The following MRPS31 variants were observed in gnomAD, a reference collection of about 807,000 sequenced individuals.
The protein encoded by MRPS31 is mitochondrial ribosomal protein S31, also known as small ribosomal subunit protein mS31.
MRPS31 carries 32 observed loss-of-function variants against 43.1 expected under a neutral mutation model. The ratio of observed to expected loss-of-function variants is 0.74; its 90% CI spans 0.56 to 1.00. The LOEUF (loss-of-function observed/expected upper bound fraction) is 1.00, where lower values mean the gene tolerates loss of function less well. MRPS31 is among the 50% of genes least tolerant of loss of function. The probability of loss-of-function intolerance (pLI) is 0.00; values close to 1 mark genes in which losing one functional copy is unlikely to be tolerated. For missense variants in MRPS31, 437 were observed against 466.7 expected (o/e 0.94, Z 0.59); for synonymous variants, 165 against 161.6 (o/e 1.02, Z -0.16).
intron 6 of MRPS31, among the ~76,000 whole-genome samples, chr13:40,733,300 A>T (rs1346929425): frequency 1.3e-5 from 2 of 152,124 alleles, no homozygotes; most frequent in Non-Finnish European, 1.5e-5. Context: ...CACCGCGCCC[A>T]GCCCAATGAA....
intron 5 of MRPS31, among the ~76,000 whole-genome samples, chr13:40,750,544 A>G (rs1367396143): frequency 6.6e-6 from 1 of 152,016 alleles, no homozygotes; most frequent in African/African-American, 2.4e-5. Flanking sequence ...ACAACTTAAT[A>G]AAGTTGTAAA....
intron 6 of MRPS31, among the ~76,000 whole-genome samples, chr13:40,740,535 C>T (rs1880053589): frequency 7.2e-6 from 1 of 138,428 alleles, no homozygotes; most frequent in East Asian, 2.3e-4. Flanking sequence ...TGGAACCAAC[C>T]CAAATGTCCA....
intron 2 of MRPS31, among the ~76,000 whole-genome samples, chr13:40,766,324 G>A (rs933071506): frequency 2.6e-5 from 4 of 152,024 alleles, no homozygotes; most frequent in East Asian, 1.9e-4. Context: ...ACAGAGTCTC[G>A]CTTGATCCCC....
At chr13:40,745,478 G>A (rs1234747529) in intron 6 of MRPS31, among the ~76,000 whole-genome samples, 3 of 151,978 alleles carry the variant, frequency 2.0e-5, no homozygotes, top group Non-Finnish European at 4.4e-5. Context: ...TCTTGAACTC[G>A]TGACCTCAGG....
chr13:40,740,677 A>C (rs1481820619), intron 6 of MRPS31, among the ~76,000 whole-genome samples: 226 of 123,782 alleles, frequency 1.8e-3, no homozygotes, highest in African/African-American at 6.5e-3. Context: ...TCAGTAAACT[A>C]TCGCAAGAAC....
intron 2 of MRPS31, among the ~76,000 whole-genome samples, chr13:40,765,274 A>G (rs1396010473): frequency 1.3e-5 from 2 of 152,204 alleles, no homozygotes; most frequent in Admixed American, 6.5e-5. Context: ...GTGGAGCAAG[A>G]ATGTAAGAAA....
At chr13:40,753,954 A>G in intron 5 of MRPS31, 65 bp downstream of exon 5, 1 of 1,022,692 alleles carries the variant, frequency 9.8e-7, no homozygotes, top group Non-Finnish European at 1.5e-6. Context: ...CTATTAGAAC[A>G]CTAAGGACAT....
intron 2 of MRPS31, among the ~76,000 whole-genome samples, chr13:40,766,225 T>C (rs1880840368): frequency 6.6e-6 from 1 of 152,230 alleles, no homozygotes; most frequent in African/African-American, 2.4e-5. Flanking sequence ...TTTCTCTGGA[T>C]TGTGTACAGA....
intron 6 of MRPS31, among the ~76,000 whole-genome samples, chr13:40,741,058 A>G (rs1050155058): frequency 5.3e-5 from 8 of 151,992 alleles, no homozygotes; most frequent in African/African-American, 1.4e-4. Context: ...AAATTGTAAT[A>G]TATCTACATT....
intron 6 of MRPS31, among the ~76,000 whole-genome samples, chr13:40,735,579 G>A (rs1413205423): frequency 1.3e-5 from 2 of 152,074 alleles, no homozygotes; most frequent in African/African-American, 2.4e-5. Flanking sequence ...CGCAGCTGGA[G>A]ATCTGAGAAC....
rs536332780 is a variant in MRPS31, at chr13:40,756,984, A to G, written c.629T>C (p.Val210Ala). Residue 210 changes from valine to alanine, a missense_variant, in exon 4 of 7, where the codon GTT becomes GCT. By Grantham distance (64) the Val-to-Ala change is moderately conservative. Coordinates refer to ENST00000323563, the MANE Select transcript of MRPS31 (RefSeq NM_005830.4). The part of the protein sequence containing the change: ...SFSNIISDMK[V>A]ARSATARVRS... ...AACTCTAGCTGTAGCAGATCTGGCA[A>G]CTTTCATATCTGATATTATGTTACT... The G allele has an allele frequency of 1.2e-6, 2 of 1,612,288 alleles. No individual in the cohort carries two copies. Among genetic ancestry groups the G allele is most frequent in the Non-Finnish European group, 1.7e-6 (2 of 1,179,146 alleles).
chr13:40,730,079 C>A (rs952172120), intron 6 of MRPS31, among the ~76,000 whole-genome samples: 1 of 151,934 alleles, frequency 6.6e-6, no homozygotes, highest in African/African-American at 2.4e-5. Context: ...TGACTTTGGA[C>A]TAATTAATTA....
At chr13:40,735,616 C>T (rs1363109978) in intron 6 of MRPS31, among the ~76,000 whole-genome samples, 2 of 152,050 alleles carry the variant, frequency 1.3e-5, no homozygotes, top group Admixed American at 6.6e-5. Context: ...CAAGTGGGTC[C>T]CTGACCCCTG....
At chr13:40,734,388 A>G (rs1233328113) in intron 6 of MRPS31, among the ~76,000 whole-genome samples, 1 of 152,222 alleles carries the variant, frequency 6.6e-6, no homozygotes, top group Non-Finnish European at 1.5e-5. Context: ...TATAGATGAC[A>G]GCTACAGACA....
chr13:40,743,985 TG>T (rs998147651), intron 6 of MRPS31, among the ~76,000 whole-genome samples: 43 of 151,978 alleles, frequency 2.8e-4, no homozygotes, highest in African/African-American at 9.7e-4. Flanking sequence ...ATAAAGAAAA[TG>T]GGGTACATAC....
intron 1 of MRPS31, among the ~76,000 whole-genome samples, chr13:40,768,639 G>A (rs368563317): frequency 9.9e-5 from 15 of 151,906 alleles, no homozygotes; most frequent in South Asian, 2.1e-4. Context: ...CGATCTGCCC[G>A]CCTCCCAAAG....
chr13:40,749,287 T>G lies in MRPS31; in HGVS notation c.815-6A>C, dbSNP rs1480421139. On this transcript the variant is annotated splice_polypyrimidine_tract_variant and splice_region_variant and intron_variant, in intron 5 of 6. Transcript: ENST00000323563. Reference sequence around the variant, plus strand: ...CCAAAGTGAAGGTGATGTGTCTACATAATAAAGACATTTTAGATAACAACA... The same window carrying G: ...CCAAAGTGAAGGTGATGTGTCTACAGAATAAAGACATTTTAGATAACAACA... 1.9e-6 allele frequency: 3 copies of G among 1,548,716 alleles called. No homozygotes were observed. The highest frequency in any genetic ancestry group is 1.3e-5 in the South Asian group (1 of 79,204).
At chr13:40,733,360 A>G (rs1566103332) in intron 6 of MRPS31, among the ~76,000 whole-genome samples, 1 of 151,812 alleles carries the variant, frequency 6.6e-6, no homozygotes, top group Non-Finnish European at 1.5e-5. Flanking sequence ...GAGAGATTGT[A>G]AGATAATAGT....
At chr13:40,756,633 T>C (rs752895024) in intron 4 of MRPS31, among the ~76,000 whole-genome samples, 17 of 152,194 alleles carry the variant, frequency 1.1e-4, no homozygotes, top group Non-Finnish European at 1.9e-4. Flanking sequence ...TCATCGTGGG[T>C]AGATGTGAAG....
Sources: allele counts gnomAD v4.1 joint callset (sites outside exome capture counted in the v4.1 genomes callset), GRCh38; gene constraint gnomAD v4.1.1; transcripts MANE v1.5; gene names NCBI Gene and HGNC (gene_info 2026-07-23, HGNC 2026-07-21).